The following CDH13 variants were observed in gnomAD, a reference collection of about 807,000 sequenced individuals.
CDH13 encodes the protein cadherin-13.
A neutral mutation model predicts 63.8 loss-of-function variants in CDH13; 24 were observed. The observed-to-expected ratio is 0.38, with a 90% CI of 0.27 to 0.53. The LOEUF (loss-of-function observed/expected upper bound fraction) is 0.53, where lower values mean the gene tolerates loss of function less well. CDH13 is among the 20% of genes least tolerant of loss of function. CDH13 has a pLI of 0.85. For synonymous variants in CDH13, 503 were observed against 355.3 expected (o/e 1.42, Z -4.67); for missense variants, 1,049 against 903.1 (o/e 1.16, Z -2.07).
At chr16:83,416,466 T>G (rs1254585977) in intron 6 of CDH13, among the ~76,000 whole-genome samples, 1 of 152,232 alleles carries the variant, frequency 6.6e-6, no homozygotes, top group African/African-American at 2.4e-5. Context: ...TTTCTCTTTC[T>G]GGGTCTTATC....
chr16:83,226,837 A>G (rs1322520582), intron 5 of CDH13, among the ~76,000 whole-genome samples: 1 of 151,836 alleles, frequency 6.6e-6, no homozygotes, highest in African/African-American at 2.4e-5. Flanking sequence ...CAGATCCCCA[A>G]ATGCAGGGGC....
At chr16:83,602,350 A>T (rs1598355009) in intron 7 of CDH13, 104 bp from the exon 8 acceptor site, 1 of 1,098,776 alleles carries the variant, frequency 9.1e-7, no homozygotes, top group Non-Finnish European at 1.4e-6. Flanking sequence ...CCTACCCTAG[A>T]TGGAGGAGGG....
intron 2 of CDH13, chr16:82,859,616 A>C (rs1597823384): frequency 6.6e-6 from 1 of 152,262 alleles, no homozygotes; most frequent in Non-Finnish European, 1.5e-5. Flanking sequence ...CATACGCTCC[A>C]AGGTCTTTTC....
chr16:83,506,143 C>T (rs1193563218), intron 7 of CDH13, among the ~76,000 whole-genome samples: 1 of 152,124 alleles, frequency 6.6e-6, no homozygotes, highest in Non-Finnish European at 1.5e-5. Context: ...GACCATCAGG[C>T]CATGCAGGAA....
chr16:83,349,600 A>G (rs1001906462), intron 6 of CDH13, among the ~76,000 whole-genome samples: 6 of 151,476 alleles, frequency 4.0e-5, no homozygotes, highest in African/African-American at 1.5e-4. Flanking sequence ...TATTATTATT[A>G]TTATTATTAT....
chr16:82,950,375 A>G (rs1691869668), intron 2 of CDH13, among the ~76,000 whole-genome samples: 1 of 152,006 alleles, frequency 6.6e-6, no homozygotes, highest in African/African-American at 2.4e-5. Flanking sequence ...TCCCCACCCA[A>G]ATCTCATCTT....
At chr16:83,188,265 T>C (rs553499936) in intron 4 of CDH13, among the ~76,000 whole-genome samples, 1 of 152,266 alleles carries the variant, frequency 6.6e-6, no homozygotes, top group South Asian at 2.1e-4. Flanking sequence ...ACAGCTGCAA[T>C]CACTCAGGCT....
intron 4 of CDH13, among the ~76,000 whole-genome samples, chr16:83,147,882 T>C (rs867565114): frequency 3.7e-4 from 57 of 152,070 alleles, no homozygotes; most frequent in African/African-American, 1.3e-3. Context: ...ACAAATTCAA[T>C]GGAATTAGTA....
chr16:82,711,342 G>C (rs1262391806), intron 1 of CDH13, among the ~76,000 whole-genome samples: 1 of 152,120 alleles, frequency 6.6e-6, no homozygotes, highest in Admixed American at 6.5e-5. Context: ...TCATCCCGTG[G>C]TTTTAAACCT....
At chr16:82,918,346 G>C (rs2042054160) in intron 2 of CDH13, among the ~76,000 whole-genome samples, 1 of 152,100 alleles carries the variant, frequency 6.6e-6, no homozygotes, top group Admixed American at 6.5e-5. Flanking sequence ...TAGAATCTCT[G>C]CACCAGTTTC....
At chr16:83,474,850 A>G (rs1016721507) in intron 6 of CDH13, among the ~76,000 whole-genome samples, 7 of 152,180 alleles carry the variant, frequency 4.6e-5, no homozygotes, top group African/African-American at 1.7e-4. Flanking sequence ...GCCCAGGTAC[A>G]TCTTGCTTCT....
intron 1 of CDH13, among the ~76,000 whole-genome samples, chr16:82,731,321 G>A (rs1362685136): frequency 6.6e-6 from 1 of 152,202 alleles, no homozygotes; most frequent in Admixed American, 6.5e-5. Flanking sequence ...GAGTATGGCT[G>A]TGTTTCAATA....
At chr16:83,346,454 C>T (rs1188026775) in intron 6 of CDH13, among the ~76,000 whole-genome samples, 2 of 152,170 alleles carry the variant, frequency 1.3e-5, no homozygotes, top group Non-Finnish European at 2.9e-5. Flanking sequence ...TTGAGCAGAA[C>T]AGAAAAATGA....
At chr16:83,241,492 A>G (rs1455601624) in intron 5 of CDH13, among the ~76,000 whole-genome samples, 1 of 151,930 alleles carries the variant, frequency 6.6e-6, no homozygotes, top group African/African-American at 2.4e-5. Flanking sequence ...TTCAATACTT[A>G]CTCTTTCTGT....
chr16:83,240,574 A>T (rs1904328068), intron 5 of CDH13, among the ~76,000 whole-genome samples: 1 of 151,856 alleles, frequency 6.6e-6, no homozygotes, highest in Non-Finnish European at 1.5e-5. Context: ...TGAAAGAGGC[A>T]TCAGAATTTG....
At chr16:82,985,407 G>C (rs556577617) in intron 2 of CDH13, among the ~76,000 whole-genome samples, 1 of 152,192 alleles carries the variant, frequency 6.6e-6, no homozygotes, top group Non-Finnish European at 1.5e-5. Flanking sequence ...GGAAAATAAA[G>C]TACCATCGAA....
chr16:83,444,607 G>T lies in CDH13; in HGVS notation c.782-41870G>T, dbSNP rs78491787. 2.0e-3 allele frequency among the ~76,000 whole-genome samples: 304 copies of T among 152,258 alleles called. 1 individual carries two copies. Among genetic ancestry groups the T allele is most frequent in the African/African-American group, 7.1e-3 (297 of 41,560 alleles). ...TCTCTTGTGAAGAGCCAGTCATAGT[G>T]CCCAAGGAATTTTCAGGGCCATCAT... On this transcript the variant is annotated intron_variant, in intron 6 of 13. Transcript: ENST00000567109.
intron 1 of CDH13, among the ~76,000 whole-genome samples, chr16:82,787,947 T>C (rs992314157): frequency 4.1e-5 from 6 of 147,048 alleles, no homozygotes; most frequent in East Asian, 2.2e-4. Flanking sequence ...GTACCTACGA[T>C]ACAGTAAGTA....
intron 3 of CDH13, among the ~76,000 whole-genome samples, chr16:83,068,342 A>C (rs575637534): frequency 6.6e-6 from 1 of 152,294 alleles, no homozygotes; most frequent in Admixed American, 6.5e-5. Context: ...CTTATGGAGG[A>C]AAACTGACTG....
Sources: gnomAD v4.1 joint callset for allele counts (sites outside exome capture counted in the v4.1 genomes callset) on GRCh38, gnomAD v4.1.1 for gene constraint, MANE v1.5 for transcripts, NCBI Gene and HGNC (gene_info 2026-07-23, HGNC 2026-07-21) for gene names.